Variants in IL1RAPL1 observed in about 807,000 individuals in gnomAD.
The protein encoded by IL1RAPL1 is interleukin-1 receptor accessory protein-like 1.
IL1RAPL1 carries 3 observed loss-of-function variants against 48.4 expected under a neutral mutation model. That is an observed-to-expected ratio of 0.06 (90% CI 0.03 to 0.16). The LOEUF (loss-of-function observed/expected upper bound fraction) is 0.16, where lower values mean the gene tolerates loss of function less well. Ranked by LOEUF, IL1RAPL1 falls within the 10% of genes least tolerant of loss-of-function variation. IL1RAPL1 has a pLI of 1.00. For missense variants in IL1RAPL1, 349 were observed against 530.6 expected, an observed-to-expected ratio of 0.66 and a Z score of 3.36; for synonymous variants, 185 against 187.7, an observed-to-expected ratio of 0.99 and a Z score of 0.12.
intron 1 of IL1RAPL1, among the ~76,000 whole-genome samples, chrX:28,685,879 C>T (rs985132899): frequency 8.0e-5 from 9 of 111,917 alleles, no homozygotes; most frequent in African/African-American, 2.9e-4. Context: ...AAGTATGGCT[C>T]TTTAAAATAA....
intron 6 of IL1RAPL1, among the ~76,000 whole-genome samples, chrX:29,794,532 A>G (rs1405731814): frequency 9.3e-6 from 1 of 107,363 alleles, no homozygotes; most frequent in Non-Finnish European, 1.9e-5. Context: ...TAAATAGACC[A>G]AATTCTGTCA....
intron 1 of IL1RAPL1, among the ~76,000 whole-genome samples, chrX:28,600,249 G>A (rs1052343824): frequency 2.7e-5 from 3 of 111,954 alleles, no homozygotes; most frequent in Non-Finnish European, 3.8e-5. Context: ...ATACAATGGA[G>A]TATAAGGCCT....
At chrX:29,098,413 A>T (rs1404745829) in intron 2 of IL1RAPL1, among the ~76,000 whole-genome samples, 1 of 112,309 alleles carries the variant, frequency 8.9e-6, no homozygotes, top group African/African-American at 3.2e-5. Context: ...TTTTGTGTCA[A>T]TTCATCATTT....
chrX:29,475,171 T>C (rs1188322281), intron 5 of IL1RAPL1, among the ~76,000 whole-genome samples: 2 of 112,122 alleles, frequency 1.8e-5, no homozygotes, highest in Non-Finnish European at 1.9e-5. Context: ...TTGTTTATGC[T>C]TATTGTACCA....
intron 6 of IL1RAPL1, among the ~76,000 whole-genome samples, chrX:29,856,016 T>C (rs756044499): frequency 1.8e-5 from 2 of 111,738 alleles, no homozygotes; most frequent in South Asian, 7.4e-4. Flanking sequence ...GAAAGCTATG[T>C]ATCCTCTATT....
intron 1 of IL1RAPL1, among the ~76,000 whole-genome samples, chrX:28,628,149 G>T (rs1412909092): frequency 9.0e-6 from 1 of 111,074 alleles, no homozygotes; most frequent in Non-Finnish European, 1.9e-5. Flanking sequence ...GGTCAGCCTG[G>T]GTTTGCTTTT....
chrX:29,885,731 T>G (rs756976098), intron 6 of IL1RAPL1, among the ~76,000 whole-genome samples: 1 of 110,772 alleles, frequency 9.0e-6, no homozygotes, highest in Non-Finnish European at 1.9e-5. Flanking sequence ...AGGCGGGAGG[T>G]TCACTTGAGC....
intron 5 of IL1RAPL1, among the ~76,000 whole-genome samples, chrX:29,531,198 A>C (rs1921028435): frequency 9.0e-6 from 1 of 110,729 alleles, no homozygotes; most frequent in Non-Finnish European, 1.9e-5. Context: ...TTGAAGACTC[A>C]GAACAATAGG....
At chrX:28,784,819 T>G (rs1936458874) in intron 1 of IL1RAPL1, among the ~76,000 whole-genome samples, 1 of 110,542 alleles carries the variant, frequency 9.0e-6, no homozygotes, top group African/African-American at 3.3e-5. Context: ...ATAAAAGGAG[T>G]CTCAACTTCC....
chrX:28,903,540 C>T (rs1282733013), intron 2 of IL1RAPL1, among the ~76,000 whole-genome samples: 4 of 109,664 alleles, frequency 3.6e-5, no homozygotes, highest in East Asian at 2.9e-4. Context: ...CACGGCATTT[C>T]GTTCTTCTGC....
At chrX:29,240,552 C>G (rs1055902027) in intron 2 of IL1RAPL1, among the ~76,000 whole-genome samples, 2 of 109,465 alleles carry the variant, frequency 1.8e-5, no homozygotes, top group Non-Finnish European at 3.8e-5. Flanking sequence ...TATATTTATA[C>G]CTAGGTTTGC....
rs150106538 is a variant in IL1RAPL1, at chrX:29,650,227, A to C, written c.704-18203A>C. On this transcript the variant is annotated intron_variant, in intron 5 of 10. Coordinates refer to ENST00000378993, the MANE Select transcript of IL1RAPL1 (RefSeq NM_014271.4). ...CAAAGTGATCTACAGAGTCAATGCA[A>C]TCTCTATCAAAATACCCATGACACT... 1.6e-3 allele frequency among the ~76,000 whole-genome samples: 180 copies of C among 112,057 alleles called. 1 individual carries two copies. Among genetic ancestry groups the C allele is most frequent in the Non-Finnish European group, 2.8e-3 (146 of 53,031 alleles).
At chrX:29,504,488 T>A (rs761461139) in intron 5 of IL1RAPL1, among the ~76,000 whole-genome samples, 1 of 112,172 alleles carries the variant, frequency 8.9e-6, no homozygotes, top group South Asian at 3.7e-4. Context: ...AATCTATTAA[T>A]GTTTGTTTTA....
intron 5 of IL1RAPL1, among the ~76,000 whole-genome samples, chrX:29,487,700 C>T (rs1374383536): frequency 8.9e-6 from 1 of 112,030 alleles, no homozygotes; most frequent in Non-Finnish European, 1.9e-5. Context: ...CTGAAGAACA[C>T]CCCGATGTGA....
intron 2 of IL1RAPL1, among the ~76,000 whole-genome samples, chrX:28,792,823 A>ATATATATG (rs1936564079): frequency 1.9e-5 from 1 of 51,791 alleles, no homozygotes; most frequent in African/African-American, 1.1e-4. Flanking sequence ...AAAAATATAT[A>ATATATATG]TATATATATA....
intron 6 of IL1RAPL1, among the ~76,000 whole-genome samples, chrX:29,753,661 C>T (rs1928543191): frequency 9.0e-6 from 1 of 111,339 alleles, no homozygotes; most frequent in South Asian, 3.8e-4. Flanking sequence ...AAGAATAAGG[C>T]CACTTCCCAG....
Position 29,419,324 on chromosome X carries a change from A to ATT in IL1RAPL1, c.703+20028_703+20029dup, listed in dbSNP as rs759666742. 8.2e-3 allele frequency among the ~76,000 whole-genome samples: 866 copies of ATT among 105,564 alleles called. 15 individuals carry two copies. Among genetic ancestry groups the ATT allele is most frequent in the African/African-American group, 0.028 (829 of 29,296 alleles). The allele number at this position is 105,564 out of a possible 115,157, so 91.7% of individuals were successfully genotyped here. ...TAATTCCAGGAAAATTACTCAGATA[A>ATT]TTTTTTTTTTTTTGAGCCAGAGTTT... is the stretch of plus-strand genomic sequence containing the variant. On this transcript the variant is annotated intron_variant, in intron 5 of 10. Coordinates refer to ENST00000378993, the MANE Select transcript of IL1RAPL1 (RefSeq NM_014271.4).
At chrX:29,388,612 G>A (rs1234480796) in intron 3 of IL1RAPL1, among the ~76,000 whole-genome samples, 1 of 112,250 alleles carries the variant, frequency 8.9e-6, no homozygotes, top group African/African-American at 3.2e-5. Flanking sequence ...AAGGAATGAA[G>A]TACTGATGCA....
chrX:28,791,744 T>G (rs1405271322), intron 2 of IL1RAPL1, among the ~76,000 whole-genome samples: 1 of 111,724 alleles, frequency 9.0e-6, no homozygotes, highest in African/African-American at 3.3e-5. Flanking sequence ...GATGGAGGCT[T>G]GTTTGTTTGT....
Sources: allele counts gnomAD v4.1 joint callset (sites outside exome capture counted in the v4.1 genomes callset), GRCh38; gene constraint gnomAD v4.1.1; transcripts MANE v1.5; gene names NCBI Gene and HGNC (gene_info 2026-07-23, HGNC 2026-07-21).